Variants in BMPR1B observed in about 807,000 individuals in gnomAD.
BMPR1B encodes the protein bone morphogenetic protein receptor type 1B.
Under a neutral mutation model 59.1 loss-of-function variants are expected in BMPR1B, and 12 were observed. The ratio of observed to expected loss-of-function variants is 0.20; its 90% CI spans 0.13 to 0.33. BMPR1B has a LOEUF of 0.33. Ranked by LOEUF, BMPR1B falls within the 10% of genes least tolerant of loss-of-function variation. The pLI is 1.00. For synonymous variants in BMPR1B, 237 were observed against 207.3 expected (o/e 1.14, Z -1.23); for missense variants, 550 against 610.9 (o/e 0.90, Z 1.05).
chr4:94,845,591 C>T (rs893903633), intron 1 of BMPR1B, among the ~76,000 whole-genome samples: 2 of 152,186 alleles, frequency 1.3e-5, no homozygotes, highest in African/African-American at 4.8e-5. Flanking sequence ...AGCCACTCGC[C>T]TGGGCCTCCC....
intron 2 of BMPR1B, among the ~76,000 whole-genome samples, chr4:94,886,449 G>A (rs993059920): frequency 6.6e-6 from 1 of 152,184 alleles, no homozygotes; most frequent in African/African-American, 2.4e-5. Context: ...ATGTTGGAAA[G>A]TTGAGCTCTA....
At chr4:95,091,739 T>G in intron 3 of BMPR1B, 1 of 896,416 alleles carries the variant, frequency 1.1e-6, no homozygotes, top group South Asian at 5.2e-5. Flanking sequence ...CTGTTAGAAC[T>G]TAGCCTTTTT....
At chr4:94,921,685 T>A (rs1345526708) in intron 2 of BMPR1B, among the ~76,000 whole-genome samples, 1 of 152,072 alleles carries the variant, frequency 6.6e-6, no homozygotes, top group Non-Finnish European at 1.5e-5. Context: ...CCAGGCCCCA[T>A]CTCCAATATT....
At chr4:94,984,672 G>A (rs1267067364) in intron 2 of BMPR1B, among the ~76,000 whole-genome samples, 7 of 152,088 alleles carry the variant, frequency 4.6e-5, no homozygotes, top group South Asian at 2.1e-4. Flanking sequence ...TAATTAAACA[G>A]AGAAAGAAAA....
chr4:95,022,493 G>A (rs1724062546), intron 3 of BMPR1B, among the ~76,000 whole-genome samples: 1 of 152,018 alleles, frequency 6.6e-6, no homozygotes, highest in South Asian at 2.1e-4. Flanking sequence ...CTGAATTTTG[G>A]TAGATGTTTG....
At chr4:95,150,301 T>C (rs936863823) in intron 11 of BMPR1B, among the ~76,000 whole-genome samples, 58 of 152,278 alleles carry the variant, frequency 3.8e-4, no homozygotes, top group African/African-American at 1.4e-3. Context: ...TTTAACAAAT[T>C]GTCTATGCCT....
At chr4:94,968,744 A>AGT (rs1020971291) in intron 2 of BMPR1B, among the ~76,000 whole-genome samples, 1 of 152,124 alleles carries the variant, frequency 6.6e-6, no homozygotes. Flanking sequence ...GGTCGTGGTG[A>AGT]GTGAGTTTTA....
intron 2 of BMPR1B, among the ~76,000 whole-genome samples, chr4:94,897,490 G>A (rs1269616418): frequency 1.3e-5 from 2 of 151,952 alleles, no homozygotes; most frequent in African/African-American, 4.8e-5. Context: ...TTACCACCGA[G>A]TATCTGGTGT....
At chr4:95,135,817 A>G (rs1257799695) in intron 10 of BMPR1B, among the ~76,000 whole-genome samples, 1 of 152,172 alleles carries the variant, frequency 6.6e-6, no homozygotes, top group East Asian at 1.9e-4. Context: ...AACAGGGACA[A>G]TTTAACTTCC....
chr4:94,773,359 CAA>C (rs1433436165), intron 1 of BMPR1B, among the ~76,000 whole-genome samples: 1 of 151,980 alleles, frequency 6.6e-6, no homozygotes, highest in African/African-American at 2.4e-5. Context: ...ATTTCAGAGA[CAA>C]AAGAGAATGT....
At chr4:95,121,661 TAAC>T (rs373955762) in intron 6 of BMPR1B, among the ~76,000 whole-genome samples, 2 of 152,202 alleles carry the variant, frequency 1.3e-5, no homozygotes, top group Non-Finnish European at 2.9e-5. Flanking sequence ...GATGAAATGT[TAAC>T]AATGAGAAAT....
At chr4:94,791,921 G>C (rs1723001627) in intron 1 of BMPR1B, among the ~76,000 whole-genome samples, 1 of 144,928 alleles carries the variant, frequency 6.9e-6, no homozygotes, top group Non-Finnish European at 1.5e-5. Context: ...CCGCATCTTT[G>C]CTGGTTGCTT....
chr4:95,127,742 A>T (rs1733009166), intron 8 of BMPR1B, among the ~76,000 whole-genome samples: 1 of 152,062 alleles, frequency 6.6e-6, no homozygotes, highest in Admixed American at 6.6e-5. Context: ...TTACACATAA[A>T]CTTGCTTGCT....
Position 94,892,327 on chromosome 4 carries a change from A to G in BMPR1B, c.-113+16427A>G, listed in dbSNP as rs540733870. Among the ~76,000 whole-genome samples, 20 of 152,164 alleles carry G rather than the reference A, an allele frequency of 1.3e-4. No homozygotes were observed. The South Asian group carries it at 3.9e-3, about 30-fold the overall frequency. On this transcript the variant is annotated intron_variant, in intron 2 of 12. Coordinates refer to ENST00000515059, the MANE Select transcript of BMPR1B (RefSeq NM_001203.3). ...TTCACCCCAGACCCACTGAATCTGAATCTACCTTTTAATAAGATCTCCACG... is the reference window on the plus strand; with the variant it reads ...TTCACCCCAGACCCACTGAATCTGAGTCTACCTTTTAATAAGATCTCCACG...
In BMPR1B at chr4:94,849,144, T is replaced by C. The variant is rs139976945; in HGVS notation, c.-182-26687T>C. 8.9e-3 allele frequency among the ~76,000 whole-genome samples: 1,358 copies of C among 152,270 alleles called. 20 individuals are homozygous for C. Among genetic ancestry groups the C allele is most frequent in the African/African-American group, 0.031 (1,287 of 41,542 alleles). ...TGTAGATAGAAAGCAGTATGAGGAC[T>C]GAGCCCAGAGCACTCCAAGGTTTGG... On this transcript the variant is annotated intron_variant, in intron 1 of 12. Transcript: ENST00000515059.
chr4:94,797,505 C>T (rs532627076), intron 1 of BMPR1B, among the ~76,000 whole-genome samples: 11 of 152,158 alleles, frequency 7.2e-5, no homozygotes, highest in East Asian at 1.9e-4. Context: ...AACGATTTAA[C>T]GAAATATTAA....
chr4:94,850,172 CT>C (rs1417617133), intron 1 of BMPR1B, among the ~76,000 whole-genome samples: 8 of 151,900 alleles, frequency 5.3e-5, no homozygotes, highest in African/African-American at 1.9e-4. Flanking sequence ...TTTTTTAATC[CT>C]TTTCCTCATG....
intron 1 of BMPR1B, among the ~76,000 whole-genome samples, chr4:94,763,510 T>C (rs1721856850): frequency 6.6e-6 from 1 of 152,234 alleles, no homozygotes; most frequent in African/African-American, 2.4e-5. Context: ...TGGAAGATAT[T>C]AAGTAGCAAG....
At chr4:95,023,634 G>C (rs1255637394) in intron 3 of BMPR1B, among the ~76,000 whole-genome samples, 1 of 151,900 alleles carries the variant, frequency 6.6e-6, no homozygotes, top group Non-Finnish European at 1.5e-5. Flanking sequence ...CAATCCTCCT[G>C]ATTTAGCCTC....
Sources: allele counts gnomAD v4.1 joint callset (sites outside exome capture counted in the v4.1 genomes callset), GRCh38; gene constraint gnomAD v4.1.1; transcripts MANE v1.5; gene names NCBI Gene and HGNC (gene_info 2026-07-23, HGNC 2026-07-21).